Variants in PCDHA2 observed in about 807,000 individuals in gnomAD.
PCDHA2 encodes the protein protocadherin alpha-2.
A neutral mutation model predicts 66.0 loss-of-function variants in PCDHA2; 58 were observed. The ratio of observed to expected loss-of-function variants is 0.88; its 90% CI spans 0.71 to 1.09. The LOEUF (loss-of-function observed/expected upper bound fraction) is 1.09, where lower values mean the gene tolerates loss of function less well. Among genes scored for constraint, PCDHA2 ranks in the 50% least tolerant of loss-of-function variants. The pLI is 0.00. For missense variants in PCDHA2, 1,267 were observed against 1,242.3 expected, an observed-to-expected ratio of 1.02 and a Z score of -0.30; for synonymous variants, 634 against 554.0, an observed-to-expected ratio of 1.14 and a Z score of -2.03.
intron 1 of PCDHA2, among the ~76,000 whole-genome samples, chr5:140,964,650 TG>T (rs1554227136): frequency 6.6e-6 from 1 of 151,800 alleles, no homozygotes; most frequent in Non-Finnish European, 1.5e-5. Flanking sequence ...AAACAAGTAA[TG>T]GGTGAGGACA....
chr5:140,807,304 C>T, intron 1 of PCDHA2: 1 of 1,614,150 alleles, frequency 6.2e-7, no homozygotes, highest in Non-Finnish European at 8.5e-7. Flanking sequence ...CCGAGGAGGC[C>T]AAACACGGCA....
chr5:140,846,625 C>A (rs567549209), intron 1 of PCDHA2, among the ~76,000 whole-genome samples: 1 of 149,010 alleles, frequency 6.7e-6, no homozygotes, highest in Non-Finnish European at 1.5e-5. Flanking sequence ...CCGCCCACTT[C>A]GGCCTCCTAA....
intron 1 of PCDHA2, among the ~76,000 whole-genome samples, chr5:140,912,613 T>A (rs183484256): frequency 5.3e-4 from 80 of 152,290 alleles, no homozygotes; most frequent in African/African-American, 1.5e-3. Flanking sequence ...TCTTGTCTGA[T>A]TACTCTGGAT....
chr5:141,011,104 C>G lies in PCDHA2; in HGVS notation c.*1167C>G, dbSNP rs1396728499. The G allele has an allele frequency of 6.5e-6, 1 of 153,844 alleles. No homozygotes were observed. Among genetic ancestry groups the G allele is most frequent in the Non-Finnish European group, 1.5e-5 (1 of 68,020 alleles). The allele number at this position is 153,844 out of a possible 1,614,324, so 9.5% of individuals were successfully genotyped here. A position where few individuals can be genotyped will look rare whatever the true frequency, so the allele number is the denominator to read the frequency against. On this transcript the variant is annotated 3_prime_UTR_variant, in exon 4 of 4. Transcript: ENST00000526136. ...GATCTCTCTTTCTCTCTCTCTCTCT[C>G]TTTTCTAAGAAACAATTATGTGCAC... is the stretch of plus-strand genomic sequence containing the variant.
chr5:140,856,103 C>G (rs1554148182), intron 1 of PCDHA2: 1 of 1,597,894 alleles, frequency 6.3e-7, no homozygotes, highest in South Asian at 1.1e-5. Context: ...CTCGCTTCTT[C>G]TCCTCGCAGC....
Position 141,012,065 on chromosome 5 carries a change from T to G in PCDHA2, c.*2128T>G, listed in dbSNP as rs2098422876. The G allele has an allele frequency of 6.5e-6, 1 of 153,794 alleles. No individual in the cohort carries two copies. Among genetic ancestry groups the G allele is most frequent in the Non-Finnish European group, 1.5e-5 (1 of 68,044 alleles). The allele number at this position is 153,794 out of a possible 1,614,324, so 9.5% of individuals were successfully genotyped here. A position where few individuals can be genotyped will look rare whatever the true frequency, so the allele number is the denominator to read the frequency against. ...GGGTAAAACTTGTTACCAACACATGTGAACCATTGCTACATTGTAGGTTGT... is the reference window on the plus strand; with the variant it reads ...GGGTAAAACTTGTTACCAACACATGGGAACCATTGCTACATTGTAGGTTGT... On this transcript the variant is annotated 3_prime_UTR_variant, in exon 4 of 4. Transcript: ENST00000526136.
At chr5:140,884,395 C>T (rs1554181520) in intron 1 of PCDHA2, 1 of 1,614,000 alleles carries the variant, frequency 6.2e-7, no homozygotes, top group African/African-American at 1.3e-5. Context: ...CGGTGTCCAG[C>T]CTGTTGGTGC....
At chr5:140,960,763 C>A (rs1424215578) in intron 1 of PCDHA2, among the ~76,000 whole-genome samples, 1 of 151,896 alleles carries the variant, frequency 6.6e-6, no homozygotes, top group Non-Finnish European at 1.5e-5. Flanking sequence ...CCAAGAGTTA[C>A]AGAGGAGAAA....
intron 1 of PCDHA2, among the ~76,000 whole-genome samples, chr5:140,955,810 A>G (rs1171384572): frequency 1.3e-5 from 2 of 152,090 alleles, no homozygotes; most frequent in Non-Finnish European, 2.9e-5. Context: ...GTTTGTGTCC[A>G]CTGTGATTTC....
At chr5:140,841,317 T>A in intron 1 of PCDHA2, 1 of 1,600,298 alleles carries the variant, frequency 6.2e-7, no homozygotes, top group Non-Finnish European at 8.5e-7. Flanking sequence ...AAACGACTAT[T>A]TAACATGGAT....
Position 140,923,348 on chromosome 5 carries a change from G to A in PCDHA2, c.2389-55601G>A, listed in dbSNP as rs376610944. Among the ~76,000 whole-genome samples the A allele has an allele frequency of 2.6e-3, 395 of 152,192 alleles. 2 individuals are homozygous for A. Among genetic ancestry groups the A allele is most frequent in the African/African-American group, 9.2e-3 (384 of 41,538 alleles). ...CAAGGACAGTTTGGGCAACATAGTG[G>A]GACCCTATCTTTATAAAATATTTTT... is the stretch of plus-strand genomic sequence containing the variant. On this transcript the variant is annotated intron_variant, in intron 1 of 3. Coordinates refer to ENST00000526136, the MANE Select transcript of PCDHA2 (RefSeq NM_018905.3).
At chr5:140,850,702 A>G in intron 1 of PCDHA2, 1 of 1,598,166 alleles carries the variant, frequency 6.3e-7, no homozygotes, top group Middle Eastern at 1.7e-4. Flanking sequence ...GCGCCTGGCA[A>G]GCCGACGCTG....
intron 1 of PCDHA2, chr5:140,927,843 C>T (rs1563097859): frequency 1.2e-6 from 2 of 1,614,186 alleles, no homozygotes; most frequent in Non-Finnish European, 1.7e-6. Context: ...ACGAAGGTGT[C>T]TTTGGTTTAG....
At chr5:140,957,852 AT>A (rs5871756) in intron 1 of PCDHA2, among the ~76,000 whole-genome samples, 2 of 151,658 alleles carry the variant, frequency 1.3e-5, no homozygotes, top group African/African-American at 2.4e-5. Context: ...GAGTTTGTGT[AT>A]TTTTTTTCCT....
chr5:140,991,413 A>G (rs2097451025), intron 3 of PCDHA2, among the ~76,000 whole-genome samples: 1 of 152,228 alleles, frequency 6.6e-6, no homozygotes, highest in South Asian at 2.1e-4. Context: ...CCATTATGCT[A>G]TAACAAATTA....
At chr5:140,836,173 T>C in intron 1 of PCDHA2, 2 of 1,613,820 alleles carry the variant, frequency 1.2e-6, no homozygotes, top group Non-Finnish European at 1.7e-6. Flanking sequence ...GTACGTGCAG[T>C]TGACGCTGAC....
At chr5:140,857,620 C>T (rs782083775) in intron 1 of PCDHA2, 2 of 1,596,564 alleles carry the variant, frequency 1.3e-6, no homozygotes, top group East Asian at 2.2e-5. Context: ...CGCTGGACCA[C>T]GAGGAGCTGG....
chr5:140,797,537 A>T (rs924782991), intron 1 of PCDHA2, 185 bp downstream of exon 1: 2 of 756,140 alleles, frequency 2.6e-6, no homozygotes, highest in East Asian at 5.5e-5. Context: ...AACAATCTAC[A>T]TAACTGTTTT....
At position 140,856,324 on chromosome 5, in the gene PCDHA2, G is replaced by A. The variant is rs1221183425; in HGVS notation, c.2388+58972G>A. ...TTGTGAATTCTCGGATTGACCGCGA[G>A]GAGCTGTGCGGGCGGAGCGTGGAGT... On this transcript the variant is annotated intron_variant, in intron 1 of 3. Coordinates refer to ENST00000526136, the MANE Select transcript of PCDHA2 (RefSeq NM_018905.3). The A allele has an allele frequency of 6.3e-6, 10 of 1,598,594 alleles. 1 individual carries two copies. Among genetic ancestry groups the A allele is most frequent in the Non-Finnish European group, 8.6e-6 (10 of 1,168,074 alleles).
Sources: allele counts gnomAD v4.1 joint callset (sites outside exome capture counted in the v4.1 genomes callset), GRCh38; gene constraint gnomAD v4.1.1; transcripts MANE v1.5; gene names NCBI Gene and HGNC (gene_info 2026-07-23, HGNC 2026-07-21).